Variants in EPHB2 observed in about 807,000 individuals in gnomAD.
The protein encoded by EPHB2 is ephrin type-B receptor 2.
In EPHB2, 18 loss-of-function variants were observed where a neutral mutation model predicts 96.4. The ratio of observed to expected loss-of-function variants is 0.19; its 90% CI spans 0.13 to 0.28. The LOEUF (loss-of-function observed/expected upper bound fraction) is 0.28. Ranked by LOEUF, EPHB2 falls within the 10% of genes least tolerant of loss-of-function variation. The probability of loss-of-function intolerance (pLI) is 1.00; values close to 1 mark genes in which losing one functional copy is unlikely to be tolerated. For missense variants in EPHB2, 989 were observed against 1,355.4 expected, an observed-to-expected ratio of 0.73 and a Z score of 4.25; for synonymous variants, 506 against 534.1, an observed-to-expected ratio of 0.95 and a Z score of 0.72.
intron 1 of EPHB2, among the ~76,000 whole-genome samples, chr1:22,728,828 C>T (rs964213515): frequency 2.6e-4 from 40 of 152,336 alleles, no homozygotes; most frequent in Middle Eastern, 3.4e-3. Context: ...CCTCTGTGGT[C>T]TCATCACTTG....
chr1:22,840,938 A>G (rs1557706393), intron 3 of EPHB2, among the ~76,000 whole-genome samples: 1 of 152,186 alleles, frequency 6.6e-6, no homozygotes, highest in Non-Finnish European at 1.5e-5. Context: ...AGATACCCAA[A>G]GTCTCACAGC....
intron 1 of EPHB2, among the ~76,000 whole-genome samples, chr1:22,758,631 T>G (rs1411278608): frequency 6.6e-6 from 1 of 151,360 alleles, no homozygotes; most frequent in Non-Finnish European, 1.5e-5. Context: ...GGGACTCAAG[T>G]CCCAGTGCCA....
intron 3 of EPHB2, among the ~76,000 whole-genome samples, chr1:22,847,951 C>G (rs1296401358): frequency 6.6e-6 from 1 of 152,130 alleles, no homozygotes; most frequent in Non-Finnish European, 1.5e-5. Flanking sequence ...CTGGGTACCC[C>G]TAGCTAATCA....
chr1:22,721,325 A>G (rs1039552627), intron 1 of EPHB2, among the ~76,000 whole-genome samples: 4 of 152,214 alleles, frequency 2.6e-5, no homozygotes, highest in Non-Finnish European at 4.4e-5. Flanking sequence ...AAGTTGACGC[A>G]TTAAACCATT....
chr1:22,868,341 G>GT (rs1638551596), intron 5 of EPHB2, among the ~76,000 whole-genome samples: 3 of 152,118 alleles, frequency 2.0e-5, no homozygotes, highest in Admixed American at 2.0e-4. Flanking sequence ...TGGCTTTGCC[G>GT]TTCATTTGCT....
chr1:22,745,405 A>G (rs1643958433), intron 1 of EPHB2, among the ~76,000 whole-genome samples: 1 of 152,218 alleles, frequency 6.6e-6, no homozygotes, highest in African/African-American at 2.4e-5. Context: ...AAACGAATCA[A>G]TGGCAATTAA....
chr1:22,830,186 G>A (rs1645283835), intron 3 of EPHB2, among the ~76,000 whole-genome samples: 5 of 152,198 alleles, frequency 3.3e-5, no homozygotes, highest in African/African-American at 9.6e-5. Flanking sequence ...GGGCTTTGGC[G>A]GGAATTCCAG....
intron 3 of EPHB2, among the ~76,000 whole-genome samples, chr1:22,788,426 A>T (rs1644642190): frequency 1.3e-5 from 2 of 152,178 alleles, no homozygotes; most frequent in South Asian, 2.1e-4. Context: ...CCAGAAGGAC[A>T]CCAGCTGTTG....
At chr1:22,880,989 A>G (rs1189082637) in intron 5 of EPHB2, among the ~76,000 whole-genome samples, 2 of 152,224 alleles carry the variant, frequency 1.3e-5, no homozygotes, top group African/African-American at 4.8e-5. Context: ...TGGGCCAGGC[A>G]TGGCAGGCAT....
At chr1:22,876,500 C>A (rs375613075) in intron 5 of EPHB2, among the ~76,000 whole-genome samples, 30 of 152,208 alleles carry the variant, frequency 2.0e-4, no homozygotes, top group Admixed American at 1.7e-3. Flanking sequence ...GCAGCAGGGC[C>A]CCTGACCACC....
chr1:22,772,039 C>A (rs973966491), intron 1 of EPHB2, among the ~76,000 whole-genome samples: 1 of 152,142 alleles, frequency 6.6e-6, no homozygotes, highest in Non-Finnish European at 1.5e-5. Flanking sequence ...CCTTCCCCAG[C>A]AAGCCCTGGT....
At chr1:22,861,928 TG>T (rs1243703520) in intron 3 of EPHB2, among the ~76,000 whole-genome samples, 2 of 152,182 alleles carry the variant, frequency 1.3e-5, no homozygotes, top group African/African-American at 4.8e-5. Flanking sequence ...GGCCTGTGGA[TG>T]GTTTAGCTGC....
At chr1:22,737,792 A>G (rs1415312832) in intron 1 of EPHB2, among the ~76,000 whole-genome samples, 2 of 152,196 alleles carry the variant, frequency 1.3e-5, no homozygotes, top group Non-Finnish European at 2.9e-5. Context: ...TGAATGAGAG[A>G]ATGAATGAAT....
At chr1:22,752,519 A>C (rs1211104416) in intron 1 of EPHB2, among the ~76,000 whole-genome samples, 1 of 150,202 alleles carries the variant, frequency 6.7e-6, no homozygotes, top group Non-Finnish European at 1.5e-5. Context: ...ATAAAATAAT[A>C]AAATAAAATA....
At chr1:22,731,709 G>A (rs1373308053) in intron 1 of EPHB2, among the ~76,000 whole-genome samples, 1 of 152,108 alleles carries the variant, frequency 6.6e-6, no homozygotes, top group Non-Finnish European at 1.5e-5. Context: ...GCGTGGTGGC[G>A]CGCATCTGTA....
At chr1:22,901,804 C>CGTGTGTGTGTGTGA (rs1553176868) in intron 9 of EPHB2, among the ~76,000 whole-genome samples, 7 of 109,232 alleles carry the variant, frequency 6.4e-5, no homozygotes, top group African/African-American at 2.6e-4. Flanking sequence ...CATTTAACTT[C>CGTGTGTGTGTGTGA]GTGTGTGTGT....
At chr1:22,806,004 C>A (rs1341148521) in intron 3 of EPHB2, among the ~76,000 whole-genome samples, 2 of 152,150 alleles carry the variant, frequency 1.3e-5, no homozygotes, top group Admixed American at 1.3e-4. Flanking sequence ...CCTGTCCAGC[C>A]CTAATTGTGC....
intron 3 of EPHB2, among the ~76,000 whole-genome samples, chr1:22,798,070 G>C (rs1644792508): frequency 6.6e-6 from 1 of 152,160 alleles, no homozygotes; most frequent in Non-Finnish European, 1.5e-5. Flanking sequence ...TTCCCAGGTG[G>C]AGTGTGGACT....
intron 3 of EPHB2, among the ~76,000 whole-genome samples, chr1:22,787,344 G>T (rs968061832): frequency 2.0e-5 from 3 of 152,212 alleles, no homozygotes; most frequent in African/African-American, 7.2e-5. Context: ...GCCCATTAGG[G>T]AGGCAGTTTT....
Sources: allele counts gnomAD v4.1 joint callset (sites outside exome capture counted in the v4.1 genomes callset), GRCh38; gene constraint gnomAD v4.1.1; transcripts MANE v1.5; gene names NCBI Gene and HGNC (gene_info 2026-07-23, HGNC 2026-07-21).